TAFA5: variants seen among roughly 807,000 people sequenced by gnomAD.
TAFA5 encodes the protein TAFA chemokine like family member 5, also known as chemokine-like protein TAFA-5.
Under a neutral mutation model 15.3 loss-of-function variants are expected in TAFA5, and 6 were observed. The ratio of observed to expected loss-of-function variants is 0.39; its 90% CI spans 0.21 to 0.77. The LOEUF is 0.77. Ranked by LOEUF, TAFA5 falls within the 30% of genes least tolerant of loss-of-function variation. The pLI is 0.41. For missense variants in TAFA5, 161 were observed against 193.1 expected (o/e 0.83, Z 0.98); for synonymous variants, 103 against 80.7 (o/e 1.28, Z -1.48).
intron 3 of TAFA5, among the ~76,000 whole-genome samples, chr22:48,715,766 C>T (rs919536784): frequency 6.6e-6 from 1 of 152,218 alleles, no homozygotes; most frequent in African/African-American, 2.4e-5. Context: ...AGCAAGCCTG[C>T]CCCAGCCACA....
At chr22:48,515,194 A>G (rs1921359989) in intron 1 of TAFA5, among the ~76,000 whole-genome samples, 1 of 151,936 alleles carries the variant, frequency 6.6e-6, no homozygotes, top group Admixed American at 6.5e-5. Flanking sequence ...GCAGGAGCCC[A>G]GGCTTGCACA....
At chr22:48,744,561 A>G (rs1360339812) in intron 3 of TAFA5, among the ~76,000 whole-genome samples, 3 of 152,090 alleles carry the variant, frequency 2.0e-5, no homozygotes, top group Non-Finnish European at 4.4e-5. Flanking sequence ...CCTTGGGGAA[A>G]TGGGCTTTGC....
chr22:48,635,828 G>A (rs1182050211), intron 1 of TAFA5, among the ~76,000 whole-genome samples: 2 of 152,256 alleles, frequency 1.3e-5, no homozygotes, highest in African/African-American at 2.4e-5. Flanking sequence ...CCTGGGGGCT[G>A]AGCAGCCCCA....
intron 2 of TAFA5, among the ~76,000 whole-genome samples, chr22:48,707,082 A>G (rs897597135): frequency 5.3e-5 from 8 of 151,998 alleles, no homozygotes; most frequent in African/African-American, 1.7e-4. Flanking sequence ...GGCCATCACA[A>G]GGACTCACAT....
chr22:48,561,100 C>G (rs562760818), intron 1 of TAFA5, among the ~76,000 whole-genome samples: 1 of 152,200 alleles, frequency 6.6e-6, no homozygotes, highest in East Asian at 1.9e-4. Context: ...GGAGGTGATG[C>G]ATCCCACCCT....
intron 1 of TAFA5, among the ~76,000 whole-genome samples, chr22:48,622,187 A>T (rs1925862469): frequency 6.6e-6 from 1 of 152,148 alleles, no homozygotes; most frequent in Non-Finnish European, 1.5e-5. Flanking sequence ...ACCATGTGGT[A>T]TTCAGGGTCA....
rs1343258881 is a variant in TAFA5 at position 48,623,283 on chromosome 22, T to C, written c.113-23314T>C. Among the ~76,000 whole-genome samples, 111 of 122,986 alleles carry C rather than the reference T, an allele frequency of 9.0e-4. 20 individuals carry two copies. Among genetic ancestry groups the C allele is most frequent in the African/African-American group, 2.7e-3 (83 of 31,152 alleles). The allele number at this position is 122,986 out of a possible 152,430, so 80.7% of individuals were successfully genotyped here. A position where few individuals can be genotyped will look rare whatever the true frequency, so the allele number is the denominator to read the frequency against. On this transcript the variant is annotated intron_variant, in intron 1 of 3. Coordinates refer to ENST00000402357, the MANE Select transcript of TAFA5 (RefSeq NM_001082967.3). ...GCGGTGACCTGTGGGACGGGACGTGTCGCGTGGCCCTGCGCGGTGACCTGT... is the reference window on the plus strand; with the variant it reads ...GCGGTGACCTGTGGGACGGGACGTGCCGCGTGGCCCTGCGCGGTGACCTGT...
Position 48,727,134 on chromosome 22 carries a change from G to T in TAFA5, c.390+19290G>T, listed in dbSNP as rs1424983080. Among the ~76,000 whole-genome samples, 8 of 152,252 alleles carry T rather than the reference G, an allele frequency of 5.3e-5. No homozygotes were observed. In the East Asian group the frequency reaches 1.5e-3, roughly 29 times the overall value. ...AACATCAGGAGCTGAACATTGAAAA[G>T]GTCACATGTAAGATGATTAATGGTG... On this transcript the variant is annotated intron_variant, in intron 3 of 3. Coordinates refer to ENST00000402357, the MANE Select transcript of TAFA5 (RefSeq NM_001082967.3).
rs146844904 is a variant in TAFA5, at chr22:48,721,378, G to A, written c.390+13534G>A. 5.3e-3 allele frequency among the ~76,000 whole-genome samples: 808 copies of A among 152,226 alleles called. 5 individuals are homozygous for A. The highest frequency in any genetic ancestry group is 8.6e-3 in the Non-Finnish European group (584 of 68,024). On this transcript the variant is annotated intron_variant, in intron 3 of 3. Coordinates refer to ENST00000402357, the MANE Select transcript of TAFA5 (RefSeq NM_001082967.3). ...AGATCCTCACCAGAGCACTGCCTCCGTGCTGCTGTTTCAAGCCCGTCCACT... is the reference window on the plus strand; with the variant it reads ...AGATCCTCACCAGAGCACTGCCTCCATGCTGCTGTTTCAAGCCCGTCCACT...
chr22:48,502,893 C>T (rs1366580972), intron 1 of TAFA5, among the ~76,000 whole-genome samples: 3 of 152,194 alleles, frequency 2.0e-5, no homozygotes, highest in Non-Finnish European at 4.4e-5. Context: ...TGTAGCATTC[C>T]ATTCCCTGAT....
chr22:48,716,850 G>A (rs1156629580), intron 3 of TAFA5, among the ~76,000 whole-genome samples: 2 of 152,096 alleles, frequency 1.3e-5, no homozygotes, highest in Non-Finnish European at 2.9e-5. Flanking sequence ...GTAGAATGTT[G>A]GAGACATAAA....
intron 1 of TAFA5, among the ~76,000 whole-genome samples, chr22:48,510,590 T>C (rs1379448802): frequency 6.6e-6 from 1 of 152,248 alleles, no homozygotes; most frequent in Non-Finnish European, 1.5e-5. Context: ...ACTGAACTGC[T>C]TGTAGGGCAA....
At chr22:48,575,716 A>G (rs1389293690) in intron 1 of TAFA5, among the ~76,000 whole-genome samples, 2 of 144,364 alleles carry the variant, frequency 1.4e-5, no homozygotes, top group Non-Finnish European at 3.1e-5. Context: ...GGGAGCGCAG[A>G]GGCCGGCACC....
At chr22:48,584,283 A>C (rs371983943) in intron 1 of TAFA5, among the ~76,000 whole-genome samples, 39 of 59,172 alleles carry the variant, frequency 6.6e-4, no homozygotes, top group African/African-American at 3.9e-4. Context: ...ACACACACAC[A>C]CCACACACAG....
At position 48,619,780 on chromosome 22, in the gene TAFA5, C is replaced by A. The variant is rs1046235955; in HGVS notation, c.113-26817C>A. On this transcript the variant is annotated intron_variant, in intron 1 of 3. Transcript: ENST00000402357. The stretch of plus-strand genomic sequence containing the variant: ...AGAGCCCTTTGCCCCACCTGAAAGC[C>A]CTGTGGTCACAGCGTAGAGTCTGGA... 5.3e-5 allele frequency among the ~76,000 whole-genome samples: 8 copies of A among 152,208 alleles called. 1 individual carries two copies. The highest frequency in any genetic ancestry group is 8.8e-5 in the Non-Finnish European group (6 of 68,026).
chr22:48,507,985 C>A (rs894078206), intron 1 of TAFA5, among the ~76,000 whole-genome samples: 1 of 152,146 alleles, frequency 6.6e-6, no homozygotes, highest in Non-Finnish European at 1.5e-5. Context: ...CATCGCCCAG[C>A]CCCTAGAGCC....
intron 1 of TAFA5, among the ~76,000 whole-genome samples, chr22:48,534,573 C>T (rs1381864845): frequency 3.3e-5 from 5 of 152,144 alleles, no homozygotes; most frequent in African/African-American, 9.7e-5. Flanking sequence ...CCCACAGGGC[C>T]CTGGAATGTG....
At chr22:48,697,599 A>ATGG (rs1369898348) in intron 2 of TAFA5, among the ~76,000 whole-genome samples, 91 of 87,188 alleles carry the variant, frequency 1.0e-3, no homozygotes, top group Non-Finnish European at 1.3e-3. Flanking sequence ...GATGTTGAGG[A>ATGG]TGGTGGTGGT....
chr22:48,618,158 C>G (rs1193502854), intron 1 of TAFA5, among the ~76,000 whole-genome samples: 1 of 152,140 alleles, frequency 6.6e-6, no homozygotes, highest in Non-Finnish European at 1.5e-5. Flanking sequence ...GCAGTCGAGC[C>G]TGGCCAAGCC....
Sources: allele counts gnomAD v4.1 joint callset (sites outside exome capture counted in the v4.1 genomes callset), GRCh38; gene constraint gnomAD v4.1.1; transcripts MANE v1.5; gene names NCBI Gene and HGNC (gene_info 2026-07-23, HGNC 2026-07-21).